PLD5: variants seen among roughly 807,000 people sequenced by gnomAD.
PLD5 encodes the protein phospholipase D family member 5, also known as inactive phospholipase D5.
Under a neutral mutation model 61.1 loss-of-function variants are expected in PLD5, and 36 were observed. The ratio of observed to expected loss-of-function variants is 0.59; its 90% confidence interval spans 0.45 to 0.78. The LOEUF (loss-of-function observed/expected upper bound fraction) is 0.78, where lower values mean the gene tolerates loss of function less well. Among genes scored for constraint, PLD5 ranks in the 30% least tolerant of loss-of-function variants. PLD5 has a pLI of 0.00. For synonymous variants in PLD5, 243 were observed against 242.8 expected (o/e 1.00, Z -0.01); for missense variants, 515 against 644.4 (o/e 0.80, Z 2.17).
chr1:242,483,624 C>A (rs1480960056), intron 1 of PLD5, among the ~76,000 whole-genome samples: 3 of 152,140 alleles, frequency 2.0e-5, no homozygotes, highest in African/African-American at 2.4e-5. Context: ...ACTTTAACAC[C>A]CCACTGTCAA....
intron 7 of PLD5, among the ~76,000 whole-genome samples, chr1:242,108,573 C>T (rs763722686): frequency 7.9e-5 from 12 of 152,160 alleles, no homozygotes; most frequent in Admixed American, 1.3e-4. Flanking sequence ...CTGCCTCTGC[C>T]GGCCCCCAAC....
intron 1 of PLD5, among the ~76,000 whole-genome samples, chr1:242,439,303 C>G (rs952201364): frequency 6.6e-6 from 1 of 152,166 alleles, no homozygotes; most frequent in African/African-American, 2.4e-5. Context: ...TGATGGTTAT[C>G]TTTGCCATCT....
intron 8 of PLD5, among the ~76,000 whole-genome samples, chr1:242,102,749 G>C (rs764509014): frequency 1.3e-5 from 2 of 152,124 alleles, no homozygotes; most frequent in African/African-American, 4.8e-5. Flanking sequence ...AGACATTAGG[G>C]CCATAAGCTT....
chr1:242,137,133 C>T (rs1355399221), intron 5 of PLD5, among the ~76,000 whole-genome samples: 1 of 152,164 alleles, frequency 6.6e-6, no homozygotes. Flanking sequence ...GGACACATAG[C>T]CCTCCTGGGC....
intron 5 of PLD5, among the ~76,000 whole-genome samples, chr1:242,128,354 T>A (rs886684252): frequency 2.6e-5 from 4 of 151,802 alleles, no homozygotes; most frequent in African/African-American, 9.7e-5. Context: ...ATCCACCTTG[T>A]TTCTCAGAAG....
chr1:242,184,964 C>A (rs1667779066), intron 5 of PLD5, among the ~76,000 whole-genome samples: 1 of 152,158 alleles, frequency 6.6e-6, no homozygotes, highest in Non-Finnish European at 1.5e-5. Context: ...GACTTCTTCC[C>A]CCAATTCCTG....
At chr1:242,214,920 G>A (rs151252792) in intron 5 of PLD5, among the ~76,000 whole-genome samples, 5,033 of 124,552 alleles carry the variant, frequency 0.04, 326 homozygotes, top group African/African-American at 0.15. Flanking sequence ...TCTGTTGCCC[G>A]GGCTGGAGTG....
chr1:242,262,490 G>C (rs1196317602), intron 4 of PLD5, among the ~76,000 whole-genome samples: 2 of 152,226 alleles, frequency 1.3e-5, no homozygotes, highest in African/African-American at 4.8e-5. Context: ...CAATTTGGGG[G>C]AACACGTAAG....
intron 5 of PLD5, among the ~76,000 whole-genome samples, chr1:242,208,625 G>T (rs1196671301): frequency 6.6e-6 from 1 of 152,220 alleles, no homozygotes; most frequent in African/African-American, 2.4e-5. Flanking sequence ...TCTTGGGCTG[G>T]CTGGTCAGTT....
chr1:242,482,226 G>C (rs1667803989), intron 1 of PLD5, among the ~76,000 whole-genome samples: 1 of 152,226 alleles, frequency 6.6e-6, no homozygotes, highest in Admixed American at 6.5e-5. Context: ...TTGACAAGTT[G>C]AGAGAAGAAG....
intron 5 of PLD5, among the ~76,000 whole-genome samples, chr1:242,183,849 C>T (rs370827496): frequency 1.3e-5 from 2 of 152,040 alleles, no homozygotes; most frequent in Non-Finnish European, 2.9e-5. Context: ...GAGCAGAGAT[C>T]GCGCCACTGC....
chr1:242,506,942 G>T (rs1668743184), intron 1 of PLD5, among the ~76,000 whole-genome samples: 1 of 152,172 alleles, frequency 6.6e-6, no homozygotes, highest in Non-Finnish European at 1.5e-5. Flanking sequence ...GGTACTAACG[G>T]TGATCACAGC....
intron 1 of PLD5, among the ~76,000 whole-genome samples, chr1:242,499,893 T>C (rs1875760): frequency 0.08 from 12,189 of 152,186 alleles, 1,226 homozygotes; most frequent in African/African-American, 0.24. Flanking sequence ...ACAGGAATCA[T>C]CTACAGGCCT....
chr1:242,382,128 C>CAAAAAAAAAAAAAAAAAAAAAA (rs34582650), intron 1 of PLD5, among the ~76,000 whole-genome samples: 12 of 125,586 alleles, frequency 9.6e-5, no homozygotes, highest in Admixed American at 1.7e-4. Flanking sequence ...ACTTTGACAG[C>CAAAAAAAAAAAAAAAAAAAAAA]AAAAAAAAAA....
At chr1:242,132,191 G>T (rs928783950) in intron 5 of PLD5, among the ~76,000 whole-genome samples, 8 of 94,444 alleles carry the variant, frequency 8.5e-5, no homozygotes, top group African/African-American at 3.2e-4. Context: ...TGCAGTGATT[G>T]CGGGGGGGGG....
chr1:242,176,435 T>G (rs1667151205), intron 5 of PLD5, among the ~76,000 whole-genome samples: 1 of 152,064 alleles, frequency 6.6e-6, no homozygotes, highest in Non-Finnish European at 1.5e-5. Context: ...AAAAATTAAC[T>G]CAAGATGGAT....
At chr1:242,470,123 C>T (rs913657872) in intron 1 of PLD5, among the ~76,000 whole-genome samples, 1 of 151,972 alleles carries the variant, frequency 6.6e-6, no homozygotes, top group Admixed American at 6.6e-5. Context: ...GGGCGGATCA[C>T]GAGGTCAGGA....
At chr1:242,508,014 C>T (rs888131352) in intron 1 of PLD5, among the ~76,000 whole-genome samples, 16 of 150,258 alleles carry the variant, frequency 1.1e-4, no homozygotes, top group Admixed American at 2.6e-4. Context: ...TTTCCAATGC[C>T]GACCAGCAAT....
intron 1 of PLD5, among the ~76,000 whole-genome samples, chr1:242,519,409 C>G (rs781074002): frequency 1.8e-4 from 27 of 152,180 alleles, no homozygotes; most frequent in Non-Finnish European, 3.1e-4. Context: ...AGGAGACAAT[C>G]TTTTTTTAAG....
Sources: gnomAD v4.1 joint callset for allele counts (sites outside exome capture counted in the v4.1 genomes callset) on GRCh38, gnomAD v4.1.1 for gene constraint, MANE v1.5 for transcripts, NCBI Gene and HGNC (gene_info 2026-07-23, HGNC 2026-07-21) for gene names.